Variants in PHACTR4 observed in about 807,000 individuals in gnomAD.
The protein encoded by PHACTR4 is protein phosphatase 1, regulatory subunit 124.
A neutral mutation model predicts 72.7 loss-of-function variants in PHACTR4; 51 were observed. The observed-to-expected ratio is 0.70, with a 90% CI of 0.56 to 0.89. The LOEUF (loss-of-function observed/expected upper bound fraction) is 0.89. Ranked by LOEUF, PHACTR4 falls within the 40% of genes least tolerant of loss-of-function variation. PHACTR4 has a pLI of 0.00. For synonymous variants in PHACTR4, 255 were observed against 302.5 expected, an observed-to-expected ratio of 0.84 and a Z score of 1.63; for missense variants, 731 against 861.8, an observed-to-expected ratio of 0.85 and a Z score of 1.90.
At chr1:28,393,926 T>G (rs1267467480) in intron 1 of PHACTR4, among the ~76,000 whole-genome samples, 1 of 152,058 alleles carries the variant, frequency 6.6e-6, no homozygotes, top group Non-Finnish European at 1.5e-5. Context: ...TTGCCCAGAC[T>G]GGTCTTGAAC....
chr1:28,486,784 A>C (rs1313422110), intron 9 of PHACTR4, among the ~76,000 whole-genome samples: 2 of 151,744 alleles, frequency 1.3e-5, no homozygotes, highest in East Asian at 3.9e-4. Flanking sequence ...ACTTGAACCC[A>C]GGAGGCTGAG....
rs28588241 is a variant in PHACTR4, at chr1:28,482,171, A to G, written c.1760+1567A>G. On this transcript the variant is annotated intron_variant, in intron 9 of 13. Coordinates refer to ENST00000373839, the MANE Select transcript of PHACTR4 (RefSeq NM_001048183.3). ...CTTCGACTCACAAAGTGCTGGGATT[A>G]CAGGTGTGAGCCACCACACCTGGCC... 8.9e-3 allele frequency among the ~76,000 whole-genome samples: 1,354 copies of G among 152,264 alleles called. 18 individuals are homozygous for G. The highest frequency in any genetic ancestry group is 0.031 in the African/African-American group (1,295 of 41,570).
chr1:28,377,570 C>T (rs1651785100), intron 1 of PHACTR4, among the ~76,000 whole-genome samples: 1 of 151,030 alleles, frequency 6.6e-6, no homozygotes, highest in South Asian at 2.1e-4. Flanking sequence ...ATCTGTAGGC[C>T]AGGAGTGGTG....
intron 2 of PHACTR4, among the ~76,000 whole-genome samples, chr1:28,414,400 T>G (rs887459626): frequency 4.0e-5 from 6 of 149,204 alleles, no homozygotes; most frequent in Non-Finnish European, 8.9e-5. Context: ...TTTATTTTTA[T>G]TTTTTGGGGT....
intron 8 of PHACTR4, among the ~76,000 whole-genome samples, chr1:28,476,787 T>TTTTTTTTTTTTTTTA (rs1659951822): frequency 2.1e-5 from 3 of 143,496 alleles, no homozygotes; most frequent in African/African-American, 2.6e-5. Flanking sequence ...TTTTTTTTTT[T>TTTTTTTTTTTTTTTA]GAGACGGAGT....
chr1:28,458,093 T>G (rs1658523189), intron 2 of PHACTR4, among the ~76,000 whole-genome samples: 1 of 148,600 alleles, frequency 6.7e-6, no homozygotes, highest in East Asian at 2.0e-4. Context: ...ATCCTTAATA[T>G]TATGGTGTGT....
rs74940683 is a variant in PHACTR4, at chr1:28,461,640, A to G, written c.271+1348A>G. 5.1e-3 allele frequency among the ~76,000 whole-genome samples: 771 copies of G among 152,246 alleles called. 5 individuals carry two copies. The highest frequency in any genetic ancestry group is 0.017 in the African/African-American group (723 of 41,542). The stretch of plus-strand genomic sequence containing the variant: ...AACAAGCTTGAAGGAGCAATTTGAA[A>G]TATTATTACAATTGGTTACCTCTGA... On this transcript the variant is annotated intron_variant, in intron 4 of 13. Transcript: ENST00000373839.
chr1:28,466,626 T>G lies in PHACTR4; in HGVS notation c.681T>G (p.Pro227=). 1 of 1,613,952 alleles carries G rather than the reference T, an allele frequency of 6.2e-7. No individual in the cohort carries two copies. The highest frequency in any genetic ancestry group is 8.5e-7 in the Non-Finnish European group (1 of 1,179,976). The change falls in exon 6 of 14, where the codon CCT becomes CCG. Residue 227 remains proline (P), a synonymous_variant. Coordinates refer to ENST00000373839, the MANE Select transcript of PHACTR4 (RefSeq NM_001048183.3). ...AGACTGTTAATCTCTCTGTCACCCCTTCCCCAGCACCCAGGACTCTGCCTG... is the reference window on the plus strand; with the variant it reads ...AGACTGTTAATCTCTCTGTCACCCCGTCCCCAGCACCCAGGACTCTGCCTG... ...LAKTVNLSVT[P]SPAPRTLPAA...
chr1:28,490,303 G>T (rs1422095071), intron 10 of PHACTR4, among the ~76,000 whole-genome samples: 1 of 152,074 alleles, frequency 6.6e-6, no homozygotes, highest in Admixed American at 6.6e-5. Context: ...GGGCCGAGGC[G>T]AGTGGATCAC....
At position 28,440,391 on chromosome 1, in the gene PHACTR4, A is replaced by ATTTTTTTTTTT. The variant is rs1414224976; in HGVS notation, c.17-18692_17-18691insTTTTTTTTTTT. Among the ~76,000 whole-genome samples, 12 of 89,972 alleles carry ATTTTTTTTTTT rather than the reference A, an allele frequency of 1.3e-4. 1 individual carries two copies. Among genetic ancestry groups the ATTTTTTTTTTT allele is most frequent in the African/African-American group, 2.5e-4 (5 of 19,900 alleles). The allele number at this position is 89,972 out of a possible 152,430, so 59.0% of individuals were successfully genotyped here. On this transcript the variant is annotated intron_variant, in intron 2 of 13. Coordinates refer to ENST00000373839, the MANE Select transcript of PHACTR4 (RefSeq NM_001048183.3). ...AAAAAAGTAAGAATCAAATTCATCA[A>ATTTTTTTTTTT]TTCTTTTTTTTTTTTTTTTTTTGAG...
chr1:28,496,683 C>T lies in PHACTR4; in HGVS notation c.*134C>T. On this transcript the variant is annotated 3_prime_UTR_variant, in exon 14 of 14. Coordinates refer to ENST00000373839, the MANE Select transcript of PHACTR4 (RefSeq NM_001048183.3). ...CTGGGATCTTCTGAGGTGGACAGCA[C>T]TTTGAATGTAGCATTTCACTGGAAC... 9.9e-7 allele frequency: 1 copy of T among 1,012,898 alleles called. No homozygotes were observed. Among genetic ancestry groups the T allele is most frequent in the South Asian group, 1.3e-5 (1 of 76,640 alleles). The allele number at this position is 1,012,898 out of a possible 1,614,324, so 62.7% of individuals were successfully genotyped here.
At chr1:28,396,281 G>A (rs532348547) in intron 1 of PHACTR4, among the ~76,000 whole-genome samples, 2 of 151,774 alleles carry the variant, frequency 1.3e-5, no homozygotes, top group African/African-American at 4.8e-5. Flanking sequence ...CCTGTAATCC[G>A]AGCACTTTGG....
At chr1:28,476,366 A>G in intron 8 of PHACTR4, 75 bp downstream of exon 8, 1 of 1,404,364 alleles carries the variant, frequency 7.1e-7, no homozygotes, top group Non-Finnish European at 9.5e-7. Flanking sequence ...AGCAAGTGTC[A>G]AAAGAGATAT....
Position 28,426,663 on chromosome 1 carries a change from C to CA in PHACTR4, c.16+19211dup, listed in dbSNP as rs557879584. Reference sequence around the variant, plus strand: ...TGGGCGACAGAGCGAGACTCCGTCTCAAAAAAAAAAAGAAACGTGGAATTG... The same window carrying CA: ...TGGGCGACAGAGCGAGACTCCGTCTCAAAAAAAAAAAAGAAACGTGGAATTG... On this transcript the variant is annotated intron_variant, in intron 2 of 13. Transcript: ENST00000373839. Among the ~76,000 whole-genome samples, 925 of 123,470 alleles carry CA rather than the reference C, an allele frequency of 7.5e-3. 6 individuals are homozygous for CA. Among genetic ancestry groups the CA allele is most frequent in the African/African-American group, 0.022 (733 of 33,400 alleles). The allele number at this position is 123,470 out of a possible 152,430, so 81.0% of individuals were successfully genotyped here. A position where few individuals can be genotyped will look rare whatever the true frequency, so the allele number is the denominator to read the frequency against.
chr1:28,467,829 A>T (rs1029426519), intron 6 of PHACTR4, among the ~76,000 whole-genome samples: 3 of 152,214 alleles, frequency 2.0e-5, no homozygotes, highest in Non-Finnish European at 4.4e-5. Context: ...GCATTTACCC[A>T]AAGTTCTATT....
chr1:28,438,374 A>G, intron 2 of PHACTR4: 1 of 1,611,284 alleles, frequency 6.2e-7, no homozygotes, highest in South Asian at 1.1e-5. Flanking sequence ...GATACATCAG[A>G]CAATATAATC....
chr1:28,383,359 A>C (rs911862123), intron 1 of PHACTR4, among the ~76,000 whole-genome samples: 5 of 152,030 alleles, frequency 3.3e-5, no homozygotes, highest in Non-Finnish European at 7.4e-5. Context: ...TGAATTTTAA[A>C]ATAATTTTTT....
intron 1 of PHACTR4, among the ~76,000 whole-genome samples, chr1:28,380,351 C>T (rs547220940): frequency 1.1e-4 from 16 of 152,196 alleles, no homozygotes; most frequent in Non-Finnish European, 2.2e-4. Context: ...CCACCGCGCC[C>T]GGCCTTAAAT....
intron 7 of PHACTR4, 77 bp from the exon 8 acceptor site, chr1:28,476,030 T>C (rs1434049021): frequency 1.4e-6 from 2 of 1,410,054 alleles, no homozygotes; most frequent in Non-Finnish European, 1.9e-6. Flanking sequence ...GCCCAGTCTT[T>C]ATTTCAGTCC....
Sources: gnomAD v4.1 joint callset for allele counts (sites outside exome capture counted in the v4.1 genomes callset) on GRCh38, gnomAD v4.1.1 for gene constraint, MANE v1.5 for transcripts, NCBI Gene and HGNC (gene_info 2026-07-23, HGNC 2026-07-21) for gene names.